Variants in ANGPT1 observed in about 807,000 individuals in gnomAD.
The protein encoded by ANGPT1 is angiopoietin 1, also known as angiopoietin-1.
ANGPT1 carries 17 observed loss-of-function variants against 62.2 expected under a neutral mutation model. The observed-to-expected ratio is 0.27, with a 90% confidence interval of 0.19 to 0.41. The LOEUF (loss-of-function observed/expected upper bound fraction) is 0.41. Ranked by LOEUF, ANGPT1 falls within the 10% of genes least tolerant of loss-of-function variation. The probability of loss-of-function intolerance (pLI) is 1.00; values close to 1 mark genes in which losing one functional copy is unlikely to be tolerated. For missense variants in ANGPT1, 478 were observed against 594.9 expected (o/e 0.80, Z 2.04); for synonymous variants, 199 against 198.9 (o/e 1.00, Z 0.00).
intron 1 of ANGPT1, among the ~76,000 whole-genome samples, chr8:107,384,699 C>T (rs1408274742): frequency 6.6e-6 from 1 of 152,088 alleles, no homozygotes; most frequent in Non-Finnish European, 1.5e-5. Context: ...AGTCTTTGCC[C>T]AGACCAATGT....
intron 5 of ANGPT1, chr8:107,295,250 A>T (rs80032363): frequency 0.065 from 9,856 of 152,126 alleles, 449 homozygotes; most frequent in Non-Finnish European, 0.097. Context: ...CACATACAGT[A>T]TGTCTTCATT....
At chr8:107,425,908 C>G (rs138991820) in intron 1 of ANGPT1, among the ~76,000 whole-genome samples, 181 of 152,274 alleles carry the variant, frequency 1.2e-3, no homozygotes, top group African/African-American at 4.2e-3. Flanking sequence ...AAGTGCTCAC[C>G]AAAGCAAGCA....
At position 107,264,320 on chromosome 8, in the gene ANGPT1, C is replaced by T; in HGVS notation, c.1237G>A (p.Gly413Arg). Residue 413 changes from glycine to arginine, a missense_variant, in exon 8 of 9, where the codon GGA becomes AGA. By Grantham distance (125) the Gly-to-Arg change is moderately radical (BLOSUM62 -2). Coordinates refer to ENST00000517746, the MANE Select transcript of ANGPT1 (RefSeq NM_001146.5). Reference protein sequence around the residue: ...LYLKGHTGTAGKQSSLILHGA... With the variant: ...LYLKGHTGTARKQSSLILHGA... ...TGTAAGATCAGGCTGCTCTGTTTTCCTGCTGTCCCAGTGTGACCTTTTAAA... is the reference window on the plus strand; with the variant it reads ...TGTAAGATCAGGCTGCTCTGTTTTCTTGCTGTCCCAGTGTGACCTTTTAAA... 1 of 1,613,896 alleles carries T rather than the reference C, an allele frequency of 6.2e-7. No individual in the cohort carries two copies. Among genetic ancestry groups the T allele is most frequent in the Non-Finnish European group, 8.5e-7 (1 of 1,179,882 alleles).
intron 1 of ANGPT1, among the ~76,000 whole-genome samples, chr8:107,382,164 C>T (rs1816651108): frequency 1.3e-5 from 2 of 152,018 alleles, no homozygotes. Context: ...AATAAGAGAA[C>T]TTAATTATTA....
chr8:107,334,388 A>G (rs1815511149), intron 3 of ANGPT1, among the ~76,000 whole-genome samples: 1 of 152,242 alleles, frequency 6.6e-6, no homozygotes, highest in Admixed American at 6.5e-5. Flanking sequence ...ATGTAAAATG[A>G]CATCTATCTC....
At chr8:107,482,351 G>A (rs1386572958) in intron 1 of ANGPT1, among the ~76,000 whole-genome samples, 1 of 152,150 alleles carries the variant, frequency 6.6e-6, no homozygotes, top group Non-Finnish European at 1.5e-5. Context: ...TGCAATGGGT[G>A]GGGACCAGAA....
intron 1 of ANGPT1, among the ~76,000 whole-genome samples, chr8:107,395,356 T>C (rs1586286774): frequency 6.6e-6 from 1 of 152,326 alleles, no homozygotes; most frequent in African/African-American, 2.4e-5. Flanking sequence ...TTATATCACC[T>C]TGAGTATTAT....
chr8:107,376,628 T>G (rs1406488943), intron 1 of ANGPT1, among the ~76,000 whole-genome samples: 1 of 152,128 alleles, frequency 6.6e-6, no homozygotes, highest in African/African-American at 2.4e-5. Flanking sequence ...AGCAGAGCTT[T>G]GGAAAGTGGT....
Position 107,322,030 on chromosome 8 carries a change from C to A in ANGPT1, c.674G>T (p.Arg225Leu). The A allele has an allele frequency of 6.2e-7, 1 of 1,613,892 alleles. No homozygotes were observed. Among genetic ancestry groups the A allele is most frequent in the Non-Finnish European group, 8.5e-7 (1 of 1,179,888 alleles). The change falls in exon 4 of 9, where the codon CGT (arginine) becomes CTT (leucine). Residue 225 changes from arginine to leucine, a missense_variant. Physicochemically the swap from Arg to Leu is moderately radical, Grantham distance 102. Around this residue, in one of 4 missense-constraint regions of ANGPT1, gnomAD observed 343 missense variants for 355.4 expected, o/e 0.97. Coordinates refer to ENST00000517746, the MANE Select transcript of ANGPT1 (RefSeq NM_001146.5). The stretch of plus-strand genomic sequence containing the variant: ...CAGCTCCTGGATTATATATGTTTGA[C>A]GAGTAACCAAGCCTTGAAGGTTCTC... ...EKENLQGLVT[R>L]QTYIIQELEK...
intron 1 of ANGPT1, among the ~76,000 whole-genome samples, chr8:107,485,527 G>A (rs1008924333): frequency 2.6e-5 from 4 of 152,130 alleles, no homozygotes; most frequent in Non-Finnish European, 4.4e-5. Context: ...CAGACAAAAC[G>A]AGAGGAAGAA....
intron 2 of ANGPT1, among the ~76,000 whole-genome samples, chr8:107,342,029 G>A (rs1815706749): frequency 6.6e-6 from 1 of 152,112 alleles, no homozygotes; most frequent in South Asian, 2.1e-4. Flanking sequence ...TAAGGAAGGA[G>A]TCCAAATTTC....
At chr8:107,371,849 A>G (rs1384953382) in intron 1 of ANGPT1, among the ~76,000 whole-genome samples, 1 of 152,030 alleles carries the variant, frequency 6.6e-6, no homozygotes, top group Non-Finnish European at 1.5e-5. Flanking sequence ...AATTCACATA[A>G]AGGCATGAAT....
At chr8:107,355,952 C>T (rs1816036239) in intron 1 of ANGPT1, among the ~76,000 whole-genome samples, 1 of 152,152 alleles carries the variant, frequency 6.6e-6, no homozygotes, top group Admixed American at 6.6e-5. Flanking sequence ...CCTTTCACTG[C>T]CTGGCACATA....
intron 3 of ANGPT1, among the ~76,000 whole-genome samples, chr8:107,322,909 G>C (rs958449298): frequency 1.3e-5 from 2 of 152,160 alleles, no homozygotes; most frequent in African/African-American, 2.4e-5. Flanking sequence ...ATGAATTCTT[G>C]TGATTTTTGA....
intron 1 of ANGPT1, among the ~76,000 whole-genome samples, chr8:107,370,700 CAAAAA>C (rs71308729): frequency 4.9e-4 from 37 of 75,574 alleles, no homozygotes; most frequent in African/African-American, 1.6e-3. Flanking sequence ...AAGACTCTGT[CAAAAA>C]AAAAAAAAAA....
intron 1 of ANGPT1, among the ~76,000 whole-genome samples, chr8:107,353,026 C>A (rs1815966187): frequency 6.6e-6 from 1 of 151,728 alleles, no homozygotes; most frequent in Non-Finnish European, 1.5e-5. Flanking sequence ...TATTAGATCT[C>A]CCAATATACT....
At chr8:107,254,510 T>C (rs1287910172) in intron 8 of ANGPT1, among the ~76,000 whole-genome samples, 1 of 152,008 alleles carries the variant, frequency 6.6e-6, no homozygotes, top group African/African-American at 2.4e-5. Context: ...ACTTAAAATG[T>C]CATGAAGAAA....
At chr8:107,334,790 T>G (rs954650966) in intron 3 of ANGPT1, among the ~76,000 whole-genome samples, 1 of 152,210 alleles carries the variant, frequency 6.6e-6, no homozygotes, top group Non-Finnish European at 1.5e-5. Flanking sequence ...GTCTGGTTAC[T>G]GTGAAATTGC....
chr8:107,387,851 C>G (rs1816761298), intron 1 of ANGPT1, among the ~76,000 whole-genome samples: 1 of 151,680 alleles, frequency 6.6e-6, no homozygotes, highest in Admixed American at 6.6e-5. Flanking sequence ...TTACTTTTCC[C>G]CACAACTTTA....
Sources: allele counts gnomAD v4.1 joint callset (sites outside exome capture counted in the v4.1 genomes callset), GRCh38; gene constraint gnomAD v4.1.1; regional missense constraint gnomAD v4.1.1; transcripts MANE v1.5; gene names NCBI Gene and HGNC (gene_info 2026-07-23, HGNC 2026-07-21).